The following SPACA7 variants were observed in gnomAD, a reference collection of about 807,000 sequenced individuals.
SPACA7 encodes sperm acrosome associated 7, also known as sperm acrosome-associated protein 7.
A neutral mutation model predicts 26.3 loss-of-function variants in SPACA7; 19 were observed. The observed-to-expected ratio is 0.72, with a 90% CI of 0.50 to 1.06. The LOEUF is 1.06. Among genes scored for constraint, SPACA7 ranks in the 50% least tolerant of loss-of-function variants. SPACA7 has a pLI of 0.00. For missense variants in SPACA7, 211 were observed against 229.9 expected (o/e 0.92, Z 0.53); for synonymous variants, 84 against 84.5 (o/e 0.99, Z 0.04).
At chr13:112,378,187 T>C (rs1883816346) in intron 1 of SPACA7, among the ~76,000 whole-genome samples, 1 of 152,156 alleles carries the variant, frequency 6.6e-6, no homozygotes, top group Non-Finnish European at 1.5e-5. Context: ...ACTGGAAATG[T>C]TAGCCTGGGA....
intron 1 of SPACA7, among the ~76,000 whole-genome samples, chr13:112,381,325 A>G (rs1325776745): frequency 6.6e-6 from 1 of 151,944 alleles, no homozygotes. Flanking sequence ...CCCCATCTCT[A>G]CCAAAAAAAA....
intron 5 of SPACA7, among the ~76,000 whole-genome samples, chr13:112,405,682 C>A (rs1334367996): frequency 6.6e-6 from 1 of 152,120 alleles, no homozygotes; most frequent in Non-Finnish European, 1.5e-5. Flanking sequence ...ATAACAACAA[C>A]CTTTTGATTA....
chr13:112,410,315 T>G (rs1366670121), intron 5 of SPACA7, among the ~76,000 whole-genome samples: 1 of 151,794 alleles, frequency 6.6e-6, no homozygotes, highest in Non-Finnish European at 1.5e-5. Flanking sequence ...TGTGTACATA[T>G]GTAACAAACC....
chr13:112,432,384 T>A, intron 5 of SPACA7, 60 bp from the exon 6 acceptor site: 5 of 1,380,370 alleles, frequency 3.6e-6, no homozygotes, highest in Non-Finnish European at 3.1e-6. Flanking sequence ...AAAGGAAAAG[T>A]GGAATCATGC....
chr13:112,399,212 CTGTAA>C, intron 4 of SPACA7, 39 bp downstream of exon 4: 1 of 1,084,520 alleles, frequency 9.2e-7, no homozygotes, highest in South Asian at 1.2e-5. Context: ...CCAAGTCCAG[CTGTAA>C]TGGGAGAGGT....
chr13:112,379,962 A>C (rs1172064542), intron 1 of SPACA7, among the ~76,000 whole-genome samples: 1 of 152,244 alleles, frequency 6.6e-6, no homozygotes, highest in East Asian at 1.9e-4. Context: ...AAAACAATTT[A>C]GCTCTTTTAA....
At chr13:112,423,291 G>A (rs1876171127) in intron 5 of SPACA7, among the ~76,000 whole-genome samples, 1 of 152,150 alleles carries the variant, frequency 6.6e-6, no homozygotes, top group African/African-American at 2.4e-5. Flanking sequence ...GGATGCAACT[G>A]AAGCAGTGCT....
At chr13:112,386,969 T>G (rs1358776701) in intron 1 of SPACA7, among the ~76,000 whole-genome samples, 1 of 152,218 alleles carries the variant, frequency 6.6e-6, no homozygotes, top group Non-Finnish European at 1.5e-5. Context: ...AATCAGAAGC[T>G]ATCTATGAGG....
chr13:112,409,201 T>C (rs1205859580), intron 5 of SPACA7, among the ~76,000 whole-genome samples: 1 of 152,186 alleles, frequency 6.6e-6, no homozygotes, highest in African/African-American at 2.4e-5. Flanking sequence ...TTATACCTTA[T>C]ACAAAAATTA....
intron 5 of SPACA7, 33 bp from the exon 6 acceptor site, chr13:112,432,411 G>C: frequency 6.6e-7 from 1 of 1,509,646 alleles, no homozygotes; most frequent in Non-Finnish European, 9.2e-7. Context: ...TATTTACAAA[G>C]AGTGATCATT....
At chr13:112,430,274 C>G (rs1876968128) in intron 5 of SPACA7, among the ~76,000 whole-genome samples, 1 of 151,740 alleles carries the variant, frequency 6.6e-6, no homozygotes, top group Non-Finnish European at 1.5e-5. Flanking sequence ...ATTGAGATCA[C>G]TGGGCTCTGC....
intron 1 of SPACA7, among the ~76,000 whole-genome samples, chr13:112,380,911 C>T (rs1884016713): frequency 6.6e-6 from 1 of 152,144 alleles, no homozygotes; most frequent in Admixed American, 6.5e-5. Context: ...TCACATATAG[C>T]ATTCTGTAAC....
intron 5 of SPACA7, among the ~76,000 whole-genome samples, chr13:112,414,557 C>T (rs1286770470): frequency 5.3e-5 from 8 of 151,822 alleles, no homozygotes; most frequent in African/African-American, 1.9e-4. Flanking sequence ...ATTACAGGCA[C>T]ATGCCACCAT....
intron 1 of SPACA7, among the ~76,000 whole-genome samples, chr13:112,383,026 A>AAGAGAGAGAGAAAGAGAG (rs1555324356): frequency 3.1e-5 from 3 of 95,308 alleles, no homozygotes; most frequent in South Asian, 3.4e-4. Context: ...GAAAGAAAGA[A>AAGAGAGAGAGAAAGAGAG]AGAGAGAGAG....
chr13:112,391,418 T>A (rs773841828), intron 1 of SPACA7, among the ~76,000 whole-genome samples: 3 of 152,186 alleles, frequency 2.0e-5, no homozygotes, highest in African/African-American at 4.8e-5. Flanking sequence ...GGAGAGCAGT[T>A]AACGTGGTCC....
chr13:112,429,812 T>C (rs1317114115), intron 5 of SPACA7, among the ~76,000 whole-genome samples: 2 of 152,218 alleles, frequency 1.3e-5, no homozygotes, highest in African/African-American at 4.8e-5. Flanking sequence ...GATAGTCTTG[T>C]ATTTTTAAAA....
intron 3 of SPACA7, among the ~76,000 whole-genome samples, chr13:112,398,830 G>T (rs1377199993): frequency 2.0e-5 from 3 of 152,200 alleles, no homozygotes; most frequent in African/African-American, 7.2e-5. Context: ...GTAAATTCCA[G>T]TTCCTAGGAT....
chr13:112,414,388 CTTTTTTTTTTTTTTTTTTTTTTT>C (rs869183760), intron 5 of SPACA7, among the ~76,000 whole-genome samples: 4 of 31,396 alleles, frequency 1.3e-4, no homozygotes, highest in Non-Finnish European at 2.3e-4. Context: ...TTTTCTGTGT[CTTTTTTTTTTTTTTTTTTTTTTT>C]TTTTTTTTTT....
intron 5 of SPACA7, among the ~76,000 whole-genome samples, chr13:112,423,443 T>A: frequency 1.3e-5 from 2 of 150,810 alleles, no homozygotes; most frequent in African/African-American, 2.4e-5. Flanking sequence ...AAAAAAGAAC[T>A]AGGAGAAACA....
Sources: allele counts gnomAD v4.1 joint callset (sites outside exome capture counted in the v4.1 genomes callset), GRCh38; gene constraint gnomAD v4.1.1; transcripts MANE v1.5; gene names NCBI Gene and HGNC (gene_info 2026-07-23, HGNC 2026-07-21).